Variants in XKR9 observed in about 807,000 individuals in gnomAD.
The protein encoded by XKR9 is XK related 9.
A neutral mutation model predicts 32.0 loss-of-function variants in XKR9; 32 were observed. The observed-to-expected ratio is 1.00, with a 90% confidence interval of 0.76 to 1.34. The LOEUF (loss-of-function observed/expected upper bound fraction) is 1.34. Ranked by LOEUF, XKR9 falls within the 40% of genes most tolerant of loss-of-function variation. The probability of loss-of-function intolerance (pLI) is 0.00; values close to 1 mark genes in which losing one functional copy is unlikely to be tolerated. For synonymous variants in XKR9, 168 were observed against 143.4 expected, an observed-to-expected ratio of 1.17 and a Z score of -1.22; for missense variants, 546 against 429.7, an observed-to-expected ratio of 1.27 and a Z score of -2.39.
intron 4 of XKR9, among the ~76,000 whole-genome samples, chr8:70,724,650 C>T (rs1314631153): frequency 1.3e-5 from 2 of 152,102 alleles, no homozygotes; most frequent in Non-Finnish European, 2.9e-5. Flanking sequence ...GCCCCTTGCA[C>T]TTCATGGGTG....
At chr8:70,792,770 A>T (rs1807780545), downstream of XKR9, among the ~76,000 whole-genome samples, 1 of 152,128 alleles carries the variant, frequency 6.6e-6, no homozygotes, top group Non-Finnish European at 1.5e-5. Flanking sequence ...ATAATCACTG[A>T]AACAAGCTTA....
chr8:70,722,747 C>T (rs1806324230), intron 4 of XKR9, among the ~76,000 whole-genome samples: 1 of 152,040 alleles, frequency 6.6e-6, no homozygotes, highest in African/African-American at 2.4e-5. Context: ...TTCATTTCAA[C>T]CTTGGAGAAT....
the XKR9 span, among the ~76,000 whole-genome samples, chr8:71,054,070 G>C: frequency 6.6e-6 from 1 of 152,164 alleles, no homozygotes; most frequent in African/African-American, 2.4e-5. Flanking sequence ...GATAACTGCA[G>C]CCCCAATCAG....
chr8:71,031,675 C>T, the XKR9 span, among the ~76,000 whole-genome samples: 1 of 152,038 alleles, frequency 6.6e-6, no homozygotes, highest in Non-Finnish European at 1.5e-5. Context: ...TAATGAAATC[C>T]TTGAGTGGCA....
At chr8:70,777,684 G>C (rs1418422166) in intron 2 of XKR9, among the ~76,000 whole-genome samples, 1 of 152,106 alleles carries the variant, frequency 6.6e-6, no homozygotes, top group Non-Finnish European at 1.5e-5. Context: ...TTGTGGTTTT[G>C]ACTTGCATTT....
At chr8:70,677,915 A>G (rs1818935951) in intron 2 of XKR9, 1 of 152,242 alleles carries the variant, frequency 6.6e-6, no homozygotes, top group Admixed American at 6.5e-5. Flanking sequence ...AAAGCTTAAG[A>G]AATTATATTT....
At chr8:70,813,273 A>C in the XKR9 span, among the ~76,000 whole-genome samples, 1 of 152,174 alleles carries the variant, frequency 6.6e-6, no homozygotes, top group Non-Finnish European at 1.5e-5. Flanking sequence ...CCTTCTTAAC[A>C]CCTTATACAA....
chr8:70,872,732 C>T, the XKR9 span, among the ~76,000 whole-genome samples: 1 of 152,174 alleles, frequency 6.6e-6, no homozygotes, highest in Non-Finnish European at 1.5e-5. Flanking sequence ...GCCATCTCAG[C>T]TCACTGCAAC....
At chr8:71,029,322 G>A in the XKR9 span, among the ~76,000 whole-genome samples, 11 of 152,196 alleles carry the variant, frequency 7.2e-5, no homozygotes, top group South Asian at 2.3e-3. Flanking sequence ...TGTCCTCAAG[G>A]AAATAAATTT....
At chr8:70,739,567 G>T (rs1434335917), downstream of XKR9, among the ~76,000 whole-genome samples, 1 of 152,044 alleles carries the variant, frequency 6.6e-6, no homozygotes, top group Non-Finnish European at 1.5e-5. Context: ...TAGCCTCGAT[G>T]GTCTTTACAA....
At chr8:70,731,306 TG>T (rs1413614301) in intron 4 of XKR9, among the ~76,000 whole-genome samples, 1 of 148,234 alleles carries the variant, frequency 6.7e-6, no homozygotes, top group Admixed American at 6.8e-5. Context: ...GAAACTTGGC[TG>T]GTAAGAATTT....
chr8:70,859,437 G>T, the XKR9 span, among the ~76,000 whole-genome samples: 2 of 152,010 alleles, frequency 1.3e-5, no homozygotes, highest in African/African-American at 4.8e-5. Context: ...ATATCCGTAA[G>T]AACAGTATGG....
chr8:70,900,434 A>C, the XKR9 span, among the ~76,000 whole-genome samples: 1 of 152,056 alleles, frequency 6.6e-6, no homozygotes, highest in Non-Finnish European at 1.5e-5. Context: ...TACTAAAAAT[A>C]CAAAATTAGC....
At chr8:70,881,558 C>T in the XKR9 span, among the ~76,000 whole-genome samples, 1 of 152,154 alleles carries the variant, frequency 6.6e-6, no homozygotes, top group Non-Finnish European at 1.5e-5. Context: ...ATCAAAACCA[C>T]AATGAGATAA....
chr8:70,979,698 T>C, the XKR9 span, among the ~76,000 whole-genome samples: 1 of 152,230 alleles, frequency 6.6e-6, no homozygotes. Context: ...TCTCCAAGTT[T>C]GGCTACACGG....
intron 4 of XKR9, among the ~76,000 whole-genome samples, chr8:70,725,051 C>T (rs1287488593): frequency 1.3e-5 from 2 of 152,040 alleles, no homozygotes; most frequent in African/African-American, 4.8e-5. Context: ...TACGTGGCAC[C>T]AGGAAGAAAA....
chr8:70,857,342 A>T, the XKR9 span, among the ~76,000 whole-genome samples: 2 of 152,192 alleles, frequency 1.3e-5, no homozygotes, highest in Non-Finnish European at 2.9e-5. Flanking sequence ...AATACTATAA[A>T]CACCTCTATG....
the XKR9 span, among the ~76,000 whole-genome samples, chr8:71,045,124 C>A: frequency 5.3e-5 from 8 of 152,244 alleles, no homozygotes; most frequent in South Asian, 1.5e-3. Flanking sequence ...ATAAAATACT[C>A]TTTTATTTCC....
chr8:70,801,840 G>A, the XKR9 span, among the ~76,000 whole-genome samples: 1 of 152,038 alleles, frequency 6.6e-6, no homozygotes, highest in South Asian at 2.1e-4. Context: ...GAATCTGGGT[G>A]CTCTTGTGCT....
Sources: allele counts gnomAD v4.1 joint callset (sites outside exome capture counted in the v4.1 genomes callset), GRCh38; gene constraint gnomAD v4.1.1; transcripts MANE v1.5; gene names NCBI Gene and HGNC (gene_info 2026-07-23, HGNC 2026-07-21).